The following MTA3 variants were observed in gnomAD, a reference collection of about 807,000 sequenced individuals.
The protein encoded by MTA3 is metastasis associated 1 family member 3.
A neutral mutation model predicts 83.5 loss-of-function variants in MTA3; 34 were observed. The observed-to-expected ratio is 0.41, with a 90% CI of 0.31 to 0.54. The LOEUF (loss-of-function observed/expected upper bound fraction) is 0.54. Ranked by LOEUF, MTA3 falls within the 20% of genes least tolerant of loss-of-function variation. The pLI, the probability that MTA3 is intolerant of heterozygous loss-of-function variation, is 0.33. For synonymous variants in MTA3, 303 were observed against 252.7 expected (o/e 1.20, Z -1.89); for missense variants, 761 against 726.4 (o/e 1.05, Z -0.55).
At chr2:42,620,770 G>C (rs933206991) in intron 4 of MTA3, among the ~76,000 whole-genome samples, 5 of 152,128 alleles carry the variant, frequency 3.3e-5, no homozygotes, top group African/African-American at 1.2e-4. Flanking sequence ...TTGGGATTAC[G>C]GGGATGAGCC....
intron 6 of MTA3, among the ~76,000 whole-genome samples, chr2:42,654,733 G>GC (rs1689008936): frequency 1.3e-5 from 2 of 152,098 alleles, no homozygotes; most frequent in African/African-American, 2.4e-5. Context: ...TTCCACCTCA[G>GC]CTTCCTGAGT....
chr2:42,497,584 CAA>C (rs112802576), intron 2 of MTA3, among the ~76,000 whole-genome samples: 10 of 122,952 alleles, frequency 8.1e-5, no homozygotes, highest in Admixed American at 8.6e-5. Flanking sequence ...GACTCCATCT[CAA>C]AAAAAAAAAA....
rs562147587 is a variant in MTA3 at position 42,734,737 on chromosome 2, T to A, written c.1759+11702T>A. On this transcript the variant is annotated intron_variant, in intron 16 of 16. Coordinates refer to ENST00000405094, the MANE Select transcript of MTA3 (RefSeq NM_001330442.2). ...TGTTGTATGTTTTTTGATTTCTGGT[T>A]ACCATAAGGCTTGCAAAAAATATCT... Among the ~76,000 whole-genome samples, 161 of 152,242 alleles carry A rather than the reference T, an allele frequency of 1.1e-3. 1 individual carries two copies. Among genetic ancestry groups the A allele is most frequent in the African/African-American group, 3.8e-3 (156 of 41,556 alleles).
At chr2:42,676,593 C>T (rs1222232860) in intron 8 of MTA3, among the ~76,000 whole-genome samples, 1 of 152,124 alleles carries the variant, frequency 6.6e-6, no homozygotes, top group Non-Finnish European at 1.5e-5. Flanking sequence ...TGGCAAAACC[C>T]TGTCTCTACT....
chr2:42,583,225 A>T (rs1205208472), intron 3 of MTA3, among the ~76,000 whole-genome samples: 2 of 152,102 alleles, frequency 1.3e-5, no homozygotes, highest in African/African-American at 4.8e-5. Context: ...ACTTCTATGT[A>T]TATTTATCTG....
At chr2:42,725,308 C>T (rs1282400865) in intron 16 of MTA3, among the ~76,000 whole-genome samples, 19 of 152,144 alleles carry the variant, frequency 1.2e-4, no homozygotes. Context: ...TCCAAAGTTA[C>T]CAGGCACTAC....
chr2:42,559,441 G>A (rs556234690), intron 2 of MTA3, among the ~76,000 whole-genome samples: 4 of 150,958 alleles, frequency 2.6e-5, no homozygotes, highest in South Asian at 2.1e-4. Flanking sequence ...GGCGGAGGCC[G>A]CAGTAAGCCG....
chr2:42,667,426 G>T (rs981159830), intron 8 of MTA3, among the ~76,000 whole-genome samples: 3 of 151,908 alleles, frequency 2.0e-5, no homozygotes, highest in Non-Finnish European at 4.4e-5. Flanking sequence ...CTGCCCTCTA[G>T]CCACTACCCT....
intron 16 of MTA3, among the ~76,000 whole-genome samples, chr2:42,748,764 A>G (rs796254855): frequency 1.3e-5 from 2 of 152,294 alleles, no homozygotes; most frequent in African/African-American, 2.4e-5. Context: ...ATTTAAATGC[A>G]TACTGGGTCA....
intron 6 of MTA3, among the ~76,000 whole-genome samples, chr2:42,644,880 C>G (rs939022665): frequency 2.0e-5 from 3 of 152,126 alleles, no homozygotes; most frequent in African/African-American, 4.8e-5. Flanking sequence ...CTGCCTCTTT[C>G]TCTCTCCTGG....
intron 4 of MTA3, among the ~76,000 whole-genome samples, chr2:42,610,553 C>T (rs1684064744): frequency 6.6e-6 from 1 of 152,090 alleles, no homozygotes; most frequent in Admixed American, 6.5e-5. Context: ...GTCGTTTTGG[C>T]AGTTGTTGAG....
At chr2:42,534,335 G>T (rs1342354199) in intron 2 of MTA3, among the ~76,000 whole-genome samples, 8 of 152,208 alleles carry the variant, frequency 5.3e-5, no homozygotes, top group Non-Finnish European at 7.3e-5. Flanking sequence ...CGTGGCTCAA[G>T]CCTATAATCC....
Position 42,754,200 on chromosome 2 carries a change from C to T in MTA3, c.*801C>T. On this transcript the variant is annotated 3_prime_UTR_variant, in exon 17 of 17. Transcript: ENST00000405094. ...ATCACTGTGACAAGCCGTTTGCTTA[C>T]TGCCCTGTTCCCTTGCAGCCAAACC... The T allele has an allele frequency of 1.0e-6, 1 of 985,496 alleles. No individual in the cohort carries two copies. The highest frequency in any genetic ancestry group is 1.2e-6 in the Non-Finnish European group (1 of 829,974). The allele number at this position is 985,496 out of a possible 1,614,324, so 61.0% of individuals were successfully genotyped here.
intron 2 of MTA3, among the ~76,000 whole-genome samples, chr2:42,549,835 G>A (rs571550945): frequency 6.7e-6 from 1 of 149,818 alleles, no homozygotes; most frequent in South Asian, 2.1e-4. Context: ...CCGTCCCACT[G>A]TAAGATGAAA....
At chr2:42,515,443 C>T (rs184456065) in intron 2 of MTA3, among the ~76,000 whole-genome samples, 2 of 152,146 alleles carry the variant, frequency 1.3e-5, no homozygotes, top group Non-Finnish European at 2.9e-5. Context: ...CTCAACTTCC[C>T]GAGTAGCTGA....
rs768586319 is a variant in MTA3 at position 42,644,111 on chromosome 2, T to C, written c.382-16T>C. Reference sequence around the variant, plus strand: ...AAGGAATTAAGTATACCTATGTATTTTGTCATATTTTTCAGGATACCTTCT... The same window carrying C: ...AAGGAATTAAGTATACCTATGTATTCTGTCATATTTTTCAGGATACCTTCT... On this transcript the variant is annotated splice_polypyrimidine_tract_variant and intron_variant, in intron 5 of 16. Transcript: ENST00000405094. 1.3e-6 allele frequency: 2 copies of C among 1,483,540 alleles called. No homozygotes were observed. The highest frequency in any genetic ancestry group is 1.2e-5 in the South Asian group (1 of 84,174). The allele number at this position is 1,483,540 out of a possible 1,614,324, so 91.9% of individuals were successfully genotyped here. A position where few individuals can be genotyped will look rare whatever the true frequency, so the allele number is the denominator to read the frequency against.
intron 2 of MTA3, among the ~76,000 whole-genome samples, chr2:42,503,799 C>T (rs1674503166): frequency 6.6e-6 from 1 of 152,004 alleles, no homozygotes; most frequent in Non-Finnish European, 1.5e-5. Context: ...CCCTTTGGCC[C>T]AGGAGTTCGA....
intron 2 of MTA3, among the ~76,000 whole-genome samples, chr2:42,577,105 A>AAAAT (rs1211189566): frequency 1.0e-4 from 9 of 86,918 alleles, no homozygotes; most frequent in South Asian, 4.0e-4. Flanking sequence ...AAAAAAAAAA[A>AAAAT]ATATATATAT....
chr2:42,704,548 T>C (rs946541262), intron 12 of MTA3, among the ~76,000 whole-genome samples: 2 of 152,242 alleles, frequency 1.3e-5, no homozygotes, highest in Non-Finnish European at 2.9e-5. Context: ...TCCCTTGATG[T>C]ACTCTTGTGG....
Sources: gnomAD v4.1 joint callset for allele counts (sites outside exome capture counted in the v4.1 genomes callset) on GRCh38, gnomAD v4.1.1 for gene constraint, MANE v1.5 for transcripts, NCBI Gene and HGNC (gene_info 2026-07-23, HGNC 2026-07-21) for gene names.